Variants in NRG3 observed in about 807,000 individuals in gnomAD.
The protein encoded by NRG3 is neuregulin 3.
NRG3 carries 31 observed loss-of-function variants against 66.9 expected under a neutral mutation model. That is an observed-to-expected ratio of 0.46 (90% confidence interval 0.35 to 0.63). The LOEUF (loss-of-function observed/expected upper bound fraction) is 0.63. NRG3 is among the 20% of genes least tolerant of loss of function. NRG3 has a pLI of 0.00. For missense variants in NRG3, 910 were observed against 878.9 expected (o/e 1.04, Z -0.45); for synonymous variants, 393 against 359.4 (o/e 1.09, Z -1.06).
intron 2 of NRG3, among the ~76,000 whole-genome samples, chr10:82,407,113 T>G (rs2087581217): frequency 6.6e-6 from 1 of 151,302 alleles, no homozygotes; most frequent in African/African-American, 2.4e-5. Flanking sequence ...TGTCTTTTAT[T>G]TTGATCCTGC....
intron 5 of NRG3, 114 bp downstream of exon 5, chr10:82,951,685 C>A: frequency 1.2e-6 from 1 of 806,932 alleles, no homozygotes; most frequent in Non-Finnish European, 2.0e-6. Context: ...ATGGGTCTAG[C>A]AACAATCTGC....
chr10:81,987,481 A>G (rs1001640259), intron 1 of NRG3, among the ~76,000 whole-genome samples: 2 of 152,250 alleles, frequency 1.3e-5, no homozygotes, highest in African/African-American at 2.4e-5. Context: ...TGCTATATTG[A>G]TACAATCCAG....
At chr10:82,506,158 G>C (rs2132398237) in intron 2 of NRG3, among the ~76,000 whole-genome samples, 1 of 152,318 alleles carries the variant, frequency 6.6e-6, no homozygotes, top group East Asian at 1.9e-4. Context: ...TGAGGCAAGA[G>C]AATCACTTGA....
At chr10:82,734,066 C>T (rs367965822) in intron 2 of NRG3, among the ~76,000 whole-genome samples, 4 of 152,212 alleles carry the variant, frequency 2.6e-5, no homozygotes, top group African/African-American at 9.6e-5. Context: ...TAATATGTTG[C>T]TCAATCTGCT....
intron 2 of NRG3, among the ~76,000 whole-genome samples, chr10:82,437,481 C>T (rs2090201971): frequency 1.3e-5 from 2 of 151,962 alleles, no homozygotes; most frequent in Non-Finnish European, 2.9e-5. Flanking sequence ...TGTGTTAGAA[C>T]ATGCTGCTTT....
intron 2 of NRG3, among the ~76,000 whole-genome samples, chr10:82,694,867 A>G (rs2055247848): frequency 1.3e-5 from 2 of 152,234 alleles, no homozygotes; most frequent in African/African-American, 4.8e-5. Context: ...AAGAAGGTTC[A>G]TACAACCTCA....
At chr10:82,354,318 T>A (rs1021131438) in intron 1 of NRG3, among the ~76,000 whole-genome samples, 3 of 151,858 alleles carry the variant, frequency 2.0e-5, no homozygotes, top group Non-Finnish European at 2.9e-5. Context: ...GAGATACAGG[T>A]GTGAGCCAGA....
intron 1 of NRG3, among the ~76,000 whole-genome samples, chr10:82,127,972 C>T (rs2068560559): frequency 6.6e-6 from 1 of 151,982 alleles, no homozygotes; most frequent in Non-Finnish European, 1.5e-5. Context: ...TTTGGAAAAG[C>T]CTCAAAGATC....
intron 2 of NRG3, among the ~76,000 whole-genome samples, chr10:82,376,606 T>C (rs1201597520): frequency 6.6e-6 from 1 of 152,176 alleles, no homozygotes; most frequent in East Asian, 1.9e-4. Flanking sequence ...AGACTGACTT[T>C]TTATTCTGCT....
intron 1 of NRG3, among the ~76,000 whole-genome samples, chr10:81,959,370 T>C (rs1850136694): frequency 6.6e-6 from 1 of 152,190 alleles, no homozygotes; most frequent in Non-Finnish European, 1.5e-5. Context: ...TTTCTAGCAC[T>C]TATTCCCAAA....
chr10:82,339,840 C>T (rs937263027), intron 1 of NRG3, among the ~76,000 whole-genome samples: 1 of 151,886 alleles, frequency 6.6e-6, no homozygotes, highest in Non-Finnish European at 1.5e-5. Flanking sequence ...AAGTTGTATC[C>T]TTTCCACTTG....
At chr10:82,104,514 G>A (rs922489476) in intron 1 of NRG3, among the ~76,000 whole-genome samples, 4 of 152,124 alleles carry the variant, frequency 2.6e-5, no homozygotes, top group African/African-American at 4.8e-5. Flanking sequence ...GCCACTATCC[G>A]TCTTCAGTAA....
chr10:82,557,835 G>A (rs1367168697), intron 2 of NRG3, among the ~76,000 whole-genome samples: 3 of 152,172 alleles, frequency 2.0e-5, no homozygotes, highest in Admixed American at 6.5e-5. Flanking sequence ...ACTCAGTGAG[G>A]TGAAGTAAGT....
chr10:82,257,211 G>A (rs60158458), intron 1 of NRG3, among the ~76,000 whole-genome samples: 2,611 of 152,196 alleles, frequency 0.017, 82 homozygotes, highest in African/African-American at 0.059. Context: ...AAACAATTGC[G>A]TACCTCTCTG....
intron 1 of NRG3, among the ~76,000 whole-genome samples, chr10:82,300,125 G>T (rs887344933): frequency 6.6e-6 from 1 of 152,128 alleles, no homozygotes; most frequent in Non-Finnish European, 1.5e-5. Flanking sequence ...TTAGTTTGGG[G>T]ATTAATATTT....
rs557636242 is a variant in NRG3, at chr10:81,932,191, GGA to G, written c.823+56037_823+56038del. On this transcript the variant is annotated intron_variant, in intron 1 of 8. Coordinates refer to ENST00000372141, the MANE Select transcript of NRG3 (RefSeq NM_001010848.4). ...TTGAGAGAGAGGAGAGAGAGAGAGA[GGA>G]GAGAGAGATTGAGAGAAAGAGAGAG... Among the ~76,000 whole-genome samples the G allele has an allele frequency of 5.3e-3, 771 of 146,304 alleles. 6 individuals are homozygous for G. Among genetic ancestry groups the G allele is most frequent in the African/African-American group, 0.019 (727 of 39,092 alleles).
intron 2 of NRG3, among the ~76,000 whole-genome samples, chr10:82,550,669 A>C (rs2044246201): frequency 6.6e-6 from 1 of 152,162 alleles, no homozygotes; most frequent in South Asian, 2.1e-4. Flanking sequence ...TGTAATAAAC[A>C]TGGAATTGTG....
At chr10:82,349,175 T>G (rs553054816) in intron 1 of NRG3, among the ~76,000 whole-genome samples, 1 of 150,432 alleles carries the variant, frequency 6.6e-6, no homozygotes, top group African/African-American at 2.4e-5. Flanking sequence ...TCTGTTCTGT[T>G]TTTTCCCCAT....
At chr10:82,017,277 T>C (rs1384290056) in intron 1 of NRG3, among the ~76,000 whole-genome samples, 1 of 152,342 alleles carries the variant, frequency 6.6e-6, no homozygotes, top group Non-Finnish European at 1.5e-5. Flanking sequence ...TCCTTTTTAA[T>C]GGTGGCATAG....
Sources: allele counts gnomAD v4.1 joint callset (sites outside exome capture counted in the v4.1 genomes callset), GRCh38; gene constraint gnomAD v4.1.1; transcripts MANE v1.5; gene names NCBI Gene and HGNC (gene_info 2026-07-23, HGNC 2026-07-21).